The following SPTBN1 variants were observed in gnomAD, a reference collection of about 807,000 sequenced individuals.
The protein encoded by SPTBN1 is spectrin beta, non-erythrocytic 1, also known as spectrin beta chain, non-erythrocytic 1.
Under a neutral mutation model 266.4 loss-of-function variants are expected in SPTBN1, and 32 were observed. The observed-to-expected ratio is 0.12, with a 90% CI of 0.09 to 0.16. SPTBN1 has a LOEUF of 0.16. Ranked by LOEUF, SPTBN1 falls within the 10% of genes least tolerant of loss-of-function variation. The pLI is 1.00. For missense variants in SPTBN1, 2,296 were observed against 3,067.1 expected, an observed-to-expected ratio of 0.75 and a Z score of 5.94; for synonymous variants, 1,336 against 1,162.2, an observed-to-expected ratio of 1.15 and a Z score of -3.04.
In SPTBN1 at chr2:54,646,371, C is replaced by T; in HGVS notation, c.4762C>T (p.Leu1588=). Residue 1588 remains leucine, a synonymous_variant, in exon 23 of 36, where the codon CTG becomes TTG. Transcript: ENST00000356805. The surrounding 1 kb of genome is among the most constrained non-coding windows in gnomAD (Gnocchi z 4.4). ...IEETEKRHRR[L]EEAHRAQQYY... ...GGAGACAGAGAAACGCCACAGGCGG[C>T]TGGAGGAGGCGCACAGGGCCCAGCA... The T allele has an allele frequency of 6.2e-7, 1 of 1,613,524 alleles. No individual in the cohort carries two copies. Among genetic ancestry groups the T allele is most frequent in the Non-Finnish European group, 8.5e-7 (1 of 1,179,758 alleles).
intron 1 of SPTBN1, among the ~76,000 whole-genome samples, chr2:54,485,809 T>C (rs1668341189): frequency 7.1e-6 from 1 of 141,766 alleles, no homozygotes; most frequent in Admixed American, 7.0e-5. Context: ...CGGCCGCCCG[T>C]CGTCTGAGAT....
At chr2:54,642,529 G>GTTT (rs531997353) in intron 18 of SPTBN1, among the ~76,000 whole-genome samples, 17,488 of 91,858 alleles carry the variant, frequency 0.19, 1,118 homozygotes, top group Admixed American at 0.26. Context: ...TAAATAAGTA[G>GTTT]TTTTTTTTTT....
chr2:54,514,760 C>CT (rs1461615099), intron 1 of SPTBN1, among the ~76,000 whole-genome samples: 2 of 152,216 alleles, frequency 1.3e-5, no homozygotes, highest in Non-Finnish European at 1.5e-5. Context: ...TTGCAAAACT[C>CT]TAACTGAGAC....
At position 54,664,046 on chromosome 2, in the gene SPTBN1, C is replaced by T. The variant is rs1443864996; in HGVS notation, c.6421-407C>T. On this transcript the variant is annotated intron_variant, in intron 32 of 35. Coordinates refer to ENST00000356805, the MANE Select transcript of SPTBN1 (RefSeq NM_003128.3). This position sits in a 1 kb window ranked among gnomAD's most constrained non-coding sequence, Gnocchi z 5.6. ...GTTTGTGAATGCCCTTTCGCTTAAACTTCCAGCCCTTCTGGTGGCATCCTT... is the reference window on the plus strand; with the variant it reads ...GTTTGTGAATGCCCTTTCGCTTAAATTTCCAGCCCTTCTGGTGGCATCCTT... The T allele has an allele frequency of 6.3e-6, 1 of 158,584 alleles. No homozygotes were observed. Among genetic ancestry groups the T allele is most frequent in the African/African-American group, 2.4e-5 (1 of 41,616 alleles). 9.8% of individuals were successfully genotyped at this position (158,584 alleles called of 1,614,324 possible). A position where few individuals can be genotyped will look rare whatever the true frequency, so the allele number is the denominator to read the frequency against.
chr2:54,506,048 CGG>C (rs1274012256), intron 1 of SPTBN1, among the ~76,000 whole-genome samples: 2 of 151,858 alleles, frequency 1.3e-5, no homozygotes, highest in Non-Finnish European at 1.5e-5. Context: ...GGCGTCAACC[CGG>C]GAGGTGGAGC....
chr2:54,604,230 G>A (rs144725227), intron 3 of SPTBN1, among the ~76,000 whole-genome samples: 136 of 152,222 alleles, frequency 8.9e-4, no homozygotes, highest in African/African-American at 3.1e-3. Flanking sequence ...GGGGCAGGGA[G>A]TACAGGGTGG....
intron 1 of SPTBN1, among the ~76,000 whole-genome samples, chr2:54,512,530 T>C (rs1669911569): frequency 6.6e-6 from 1 of 152,228 alleles, no homozygotes; most frequent in Non-Finnish European, 1.5e-5. Context: ...GAAATGATCT[T>C]AAAATCGTCT....
At chr2:54,605,803 C>T (rs1676797500) in intron 3 of SPTBN1, among the ~76,000 whole-genome samples, 1 of 152,178 alleles carries the variant, frequency 6.6e-6, no homozygotes, top group Non-Finnish European at 1.5e-5. Flanking sequence ...GGTCATCTCA[C>T]CTTGCTGTAT....
chr2:54,561,090 C>T (rs1673268866), intron 2 of SPTBN1, among the ~76,000 whole-genome samples: 1 of 152,308 alleles, frequency 6.6e-6, no homozygotes, highest in South Asian at 2.1e-4. Flanking sequence ...TATAATCTTT[C>T]CTAGCACATA....
At chr2:54,572,499 G>C (rs1388542825) in intron 2 of SPTBN1, among the ~76,000 whole-genome samples, 1 of 152,154 alleles carries the variant, frequency 6.6e-6, no homozygotes, top group Admixed American at 6.5e-5. Context: ...CACACTCTGA[G>C]CAAATAGAGG....
chr2:54,465,301 C>G (rs1693569462), intron 1 of SPTBN1, among the ~76,000 whole-genome samples: 1 of 152,094 alleles, frequency 6.6e-6, no homozygotes, highest in African/African-American at 2.4e-5. Context: ...AGTCTCCACA[C>G]TTGAGTGCAG....
intron 2 of SPTBN1, among the ~76,000 whole-genome samples, chr2:54,571,485 A>G (rs1308256655): frequency 5.3e-5 from 8 of 152,006 alleles, no homozygotes; most frequent in East Asian, 1.9e-4. Context: ...TCCCAGGCAC[A>G]CTGGGTGGTG....
intron 17 of SPTBN1, among the ~76,000 whole-genome samples, chr2:54,634,900 A>T (rs947119569): frequency 6.6e-6 from 1 of 152,148 alleles, no homozygotes; most frequent in African/African-American, 2.4e-5. Context: ...GCCCCAGGGG[A>T]TGTGAACAGG....
At chr2:54,639,897 A>G (rs1247737086) in intron 18 of SPTBN1, among the ~76,000 whole-genome samples, 1 of 152,190 alleles carries the variant, frequency 6.6e-6, no homozygotes, top group African/African-American at 2.4e-5. Flanking sequence ...TCTCTGTGTG[A>G]CTGCTCTGCG....
intron 23 of SPTBN1, 73 bp from the exon 24 acceptor site, chr2:54,647,058 G>A (rs542447438): frequency 2.4e-4 from 383 of 1,606,760 alleles, no homozygotes; most frequent in Non-Finnish European, 3.2e-4. Flanking sequence ...CTGCTGAGCA[G>A]CTGGTCTGTC....
chr2:54,664,886 G>T lies in SPTBN1; in HGVS notation c.6659+195G>T, dbSNP rs577872004. 2.8e-5 allele frequency: 17 copies of T among 616,762 alleles called. No individual in the cohort carries two copies. In the South Asian group the frequency reaches 3.4e-4, roughly 12 times the overall value. The allele number at this position is 616,762 out of a possible 1,614,324, so 38.2% of individuals were successfully genotyped here. On this transcript the variant is annotated intron_variant, in intron 33 of 35. Coordinates refer to ENST00000356805, the MANE Select transcript of SPTBN1 (RefSeq NM_003128.3). The surrounding 1 kb of genome is among the most constrained non-coding windows in gnomAD (Gnocchi z 5.6). ...TGCTGGTTATTCACTGAGAGAAGAA[G>T]AGTTGAGTTTGGATGGGAGTAGCTA...
chr2:54,649,696 G>A lies in SPTBN1; in HGVS notation c.5284G>A (p.Ala1762Thr). The A allele has an allele frequency of 6.2e-7, 1 of 1,614,148 alleles. No homozygotes were observed. Among genetic ancestry groups the A allele is most frequent in the Non-Finnish European group, 8.5e-7 (1 of 1,180,030 alleles). Reference protein sequence around the residue: ...QERVDTVNHLADELINSGHSD... With the variant: ...QERVDTVNHLTDELINSGHSD... ...GCGCGTGGACACGGTCAATCACCTG[G>A]CAGATGAGCTCATCAACTCTGGACA... Residue 1762 changes from alanine to threonine, a missense_variant, in exon 26 of 36, where the codon GCA becomes ACA. By Grantham distance (58) the Ala-to-Thr change is moderately conservative. Transcript: ENST00000356805. This position sits in a 1 kb window ranked among gnomAD's most constrained non-coding sequence, Gnocchi z 6.7.
chr2:54,611,813 T>C (rs1368484693), intron 3 of SPTBN1, among the ~76,000 whole-genome samples: 7 of 151,952 alleles, frequency 4.6e-5, no homozygotes, highest in African/African-American at 1.7e-4. Context: ...TGTTTTGTCA[T>C]GCACCTGCAA....
At chr2:54,581,850 G>A (rs1315100472) in intron 2 of SPTBN1, among the ~76,000 whole-genome samples, 1 of 152,138 alleles carries the variant, frequency 6.6e-6, no homozygotes, top group Non-Finnish European at 1.5e-5. Flanking sequence ...TGTTGCTGCT[G>A]CTAATTACCA....
Sources: allele counts gnomAD v4.1 joint callset (sites outside exome capture counted in the v4.1 genomes callset), GRCh38; gene constraint gnomAD v4.1.1; non-coding constraint Gnocchi (gnomAD v3.1); transcripts MANE v1.5; gene names NCBI Gene and HGNC (gene_info 2026-07-23, HGNC 2026-07-21).